PIGN: variants seen among roughly 807,000 people sequenced by gnomAD.
The protein encoded by PIGN is phosphatidylinositol glycan anchor biosynthesis class N.
A neutral mutation model predicts 125.4 loss-of-function variants in PIGN; 117 were observed. The observed-to-expected ratio is 0.93, with a 90% CI of 0.80 to 1.09. The LOEUF (loss-of-function observed/expected upper bound fraction) is 1.09. Ranked by LOEUF, PIGN falls within the 50% of genes least tolerant of loss-of-function variation. PIGN has a pLI of 0.00. For missense variants in PIGN, 1,075 were observed against 1,094.9 expected (o/e 0.98, Z 0.26); for synonymous variants, 392 against 377.8 (o/e 1.04, Z -0.44).
At chr18:62,099,956 T>C (rs567538972) in intron 22 of PIGN, among the ~76,000 whole-genome samples, 83 of 151,886 alleles carry the variant, frequency 5.5e-4, no homozygotes, top group Admixed American at 1.1e-3. Context: ...AAAGCAAAAG[T>C]AGACAAAGGG....
intron 23 of PIGN, among the ~76,000 whole-genome samples, chr18:62,095,414 G>A (rs1220679882): frequency 2.6e-5 from 4 of 151,916 alleles, no homozygotes; most frequent in South Asian, 2.1e-4. Context: ...TATTCTGAAG[G>A]TTCTCTGAAT....
At chr18:62,094,083 T>C (rs1245556248) in intron 23 of PIGN, among the ~76,000 whole-genome samples, 1 of 152,172 alleles carries the variant, frequency 6.6e-6, no homozygotes, top group East Asian at 1.9e-4. Flanking sequence ...TTATGCTTAT[T>C]ATGATAATTT....
At chr18:62,130,222 G>A (rs2035682065) in intron 14 of PIGN, among the ~76,000 whole-genome samples, 1 of 152,086 alleles carries the variant, frequency 6.6e-6, no homozygotes, top group Non-Finnish European at 1.5e-5. Context: ...ATGTATTTCT[G>A]TTATGCTAAG....
At chr18:62,103,027 T>C (rs1025094956) in intron 20 of PIGN, 125 bp from the exon 21 acceptor site, 25 of 446,130 alleles carry the variant, frequency 5.6e-5, no homozygotes, top group Non-Finnish European at 3.9e-5. Context: ...CAAGAGGAAG[T>C]AGCAAAATGG....
chr18:62,175,559 C>T (rs56217124), intron 1 of PIGN, among the ~76,000 whole-genome samples: 2 of 152,252 alleles, frequency 1.3e-5, no homozygotes, highest in Admixed American at 6.5e-5. Context: ...CCACTACCTC[C>T]GTGGCCCTGC....
At chr18:62,134,910 C>T (rs995335925) in intron 14 of PIGN, among the ~76,000 whole-genome samples, 2 of 152,102 alleles carry the variant, frequency 1.3e-5, no homozygotes, top group Non-Finnish European at 1.5e-5. Context: ...GATGGGCGGG[C>T]GGATGAAGAA....
intron 28 of PIGN, among the ~76,000 whole-genome samples, chr18:62,081,050 T>C (rs2033425967): frequency 6.6e-6 from 1 of 152,214 alleles, no homozygotes; most frequent in African/African-American, 2.4e-5. Flanking sequence ...ACTTCACTTT[T>C]GTTCAATACA....
At chr18:62,074,922 G>C in intron 28 of PIGN, 101 bp from the exon 29 acceptor site, 1 of 741,688 alleles carries the variant, frequency 1.3e-6, no homozygotes, top group Non-Finnish European at 2.3e-6. Context: ...TAGTATTGTT[G>C]GTATTTTTGC....
At chr18:62,156,707 T>A (rs1335607148) in intron 6 of PIGN, among the ~76,000 whole-genome samples, 3 of 152,196 alleles carry the variant, frequency 2.0e-5, no homozygotes, top group African/African-American at 7.2e-5. Flanking sequence ...CACCTCAACA[T>A]CATCATTTAT....
intron 14 of PIGN, among the ~76,000 whole-genome samples, chr18:62,126,781 C>G (rs2035550281): frequency 6.6e-6 from 1 of 152,112 alleles, no homozygotes; most frequent in South Asian, 2.1e-4. Flanking sequence ...TTCCGATTGT[C>G]TATACAGTCA....
At chr18:62,119,580 A>C (rs2035218326) in intron 14 of PIGN, among the ~76,000 whole-genome samples, 1 of 152,090 alleles carries the variant, frequency 6.6e-6, no homozygotes, top group Non-Finnish European at 1.5e-5. Flanking sequence ...GCGATGGCTC[A>C]CGCCTGTAAT....
chr18:62,183,565 G>A (rs187688676), intron 1 of PIGN, among the ~76,000 whole-genome samples: 5 of 152,262 alleles, frequency 3.3e-5, no homozygotes, highest in East Asian at 1.9e-4. Context: ...AGTCAGAAAC[G>A]AAAACTTTTA....
chr18:62,186,802 T>C, intron 1 of PIGN, 42 bp downstream of exon 1: 1 of 152,228 alleles, frequency 6.6e-6, no homozygotes, highest in Non-Finnish European at 1.5e-5. Context: ...ACACCACAGT[T>C]TGGGCGCCGA....
chr18:62,133,760 T>G (rs899410443), intron 14 of PIGN, among the ~76,000 whole-genome samples: 1 of 152,206 alleles, frequency 6.6e-6, no homozygotes, highest in Non-Finnish European at 1.5e-5. Flanking sequence ...TGCCAATGAT[T>G]AGAATATCTA....
At chr18:62,078,506 A>G (rs2033287721) in intron 28 of PIGN, among the ~76,000 whole-genome samples, 5 of 152,184 alleles carry the variant, frequency 3.3e-5, no homozygotes, top group African/African-American at 1.2e-4. Context: ...TGACTCTCAG[A>G]GGCCTTCAGC....
In PIGN at chr18:62,042,569, A is replaced by G. The variant is rs929073561; in HGVS notation, c.*3287T>C. The G allele has an allele frequency of 5.3e-5, 8 of 152,162 alleles. No individual in the cohort carries two copies. Among genetic ancestry groups the G allele is most frequent in the Non-Finnish European group, 1.0e-4 (7 of 68,022 alleles). 9.4% of individuals were successfully genotyped at this position (152,162 alleles called of 1,614,324 possible). On this transcript the variant is annotated 3_prime_UTR_variant, in exon 31 of 31. Coordinates refer to ENST00000640252, the MANE Select transcript of PIGN (RefSeq NM_176787.5). ...ATAGAATGAATATTAAGTACTTTTC[A>G]TGAGTTTACCCAAGAGTAATAATAA...
chr18:62,066,152 A>G (rs1391391980), intron 30 of PIGN, among the ~76,000 whole-genome samples: 1 of 152,224 alleles, frequency 6.6e-6, no homozygotes, highest in Non-Finnish European at 1.5e-5. Flanking sequence ...TGTGACATTT[A>G]CTACTTGTTT....
At chr18:62,113,447 G>T in intron 15 of PIGN, 131 bp from the exon 16 acceptor site, 1 of 592,152 alleles carries the variant, frequency 1.7e-6, no homozygotes, top group Non-Finnish European at 2.9e-6. Flanking sequence ...GTAGATGATG[G>T]ATTAAGAACA....
Position 62,138,962 on chromosome 18 carries a change from CTTT to C in PIGN, c.1116+18_1116+20del. On this transcript the variant is annotated intron_variant, in intron 13 of 30. Transcript: ENST00000640252. ...TAGTATTGTCCATTTTTGTGCGTGC[CTTT>C]TTGAATTTTTTTTTTACCTTGAACT... 1 of 1,416,588 alleles carries C rather than the reference CTTT, an allele frequency of 7.1e-7. No individual in the cohort carries two copies. Among genetic ancestry groups the C allele is most frequent in the Non-Finnish European group, 9.7e-7 (1 of 1,033,288 alleles). 87.8% of individuals were successfully genotyped at this position (1,416,588 alleles called of 1,614,324 possible).
Sources: allele counts gnomAD v4.1 joint callset (sites outside exome capture counted in the v4.1 genomes callset), GRCh38; gene constraint gnomAD v4.1.1; transcripts MANE v1.5; gene names NCBI Gene and HGNC (gene_info 2026-07-23, HGNC 2026-07-21).